Variants in SEL1L3 observed in about 807,000 individuals in gnomAD.
SEL1L3 encodes the protein SEL1L family member 3, also known as protein sel-1 homolog 3.
In SEL1L3, 76 loss-of-function variants were observed where a neutral mutation model predicts 142.8. The observed-to-expected ratio is 0.53, with a 90% CI of 0.44 to 0.64. The LOEUF (loss-of-function observed/expected upper bound fraction) is 0.64, where lower values mean the gene tolerates loss of function less well. SEL1L3 is among the 30% of genes least tolerant of loss of function. The pLI is 0.00. For missense variants in SEL1L3, 1,262 were observed against 1,381.7 expected, an observed-to-expected ratio of 0.91 and a Z score of 1.37; for synonymous variants, 504 against 519.6, an observed-to-expected ratio of 0.97 and a Z score of 0.41.
At chr4:25,770,564 AC>A (rs1334255837) in intron 17 of SEL1L3, 1 of 151,998 alleles carries the variant, frequency 6.6e-6, no homozygotes, top group Non-Finnish European at 1.5e-5. Context: ...ACATTGTGAA[AC>A]CCTGTCTCTG....
At position 25,795,322 on chromosome 4, in the gene SEL1L3, C is replaced by A. The variant is rs188468985; in HGVS notation, c.1957-4748G>T. Among the ~76,000 whole-genome samples, 3 of 152,218 alleles carry A rather than the reference C, an allele frequency of 2.0e-5. No individual in the cohort carries two copies. In the East Asian group the frequency reaches 5.8e-4, roughly 29 times the overall value. On this transcript the variant is annotated intron_variant, in intron 11 of 23. Transcript: ENST00000399878. ...TCATTTTTTAGGGCCTTAACTCATA[C>A]TAAAGTGTAAATGGCTAATTGCTGT...
Position 25,847,597 on chromosome 4 carries a change from G to T in SEL1L3, c.430C>A (p.Gln144Lys). Residue 144 changes from glutamine (Q) to lysine (K), a missense_variant, in exon 2 of 24, where the codon CAA becomes AAA. Around this residue, in one of 3 missense-constraint regions of SEL1L3, gnomAD observed 689 missense variants for 692.8 expected, o/e 0.99. Coordinates refer to ENST00000399878, the MANE Select transcript of SEL1L3 (RefSeq NM_015187.5). Reference protein sequence around the residue: ...NEKHLHTSRTQIVHVKFPSIM... With the variant: ...NEKHLHTSRTKIVHVKFPSIM... ...CTTGGAAATTTCACATGTACTATTT[G>T]TGTCCTGCTGGTGTGAAGATGTTTC... 6.2e-7 allele frequency: 1 copy of T among 1,613,946 alleles called. No homozygotes were observed. Among genetic ancestry groups the T allele is most frequent in the Non-Finnish European group, 8.5e-7 (1 of 1,179,876 alleles).
Position 25,757,696 on chromosome 4 carries a change from A to C in SEL1L3, c.3178T>G (p.Ser1060Ala). Residue 1060 changes from serine (S) to alanine (A), a missense_variant, in exon 22 of 24, where the codon TCA becomes GCA. Ser to Ala is a moderately conservative substitution (Grantham distance 99, BLOSUM62 1). Coordinates refer to ENST00000399878, the MANE Select transcript of SEL1L3 (RefSeq NM_015187.5). Reference protein sequence around the residue: ...LRLLWGAILHSALIYFLGTFL... With the variant: ...LRLLWGAILHAALIYFLGTFL... Reference sequence around the variant, plus strand: ...TGGGACATGAAACCTACCAGGGCTGAGTGCAGGATAGCACCCCAGAGAAGC... The same window carrying C: ...TGGGACATGAAACCTACCAGGGCTGCGTGCAGGATAGCACCCCAGAGAAGC... 6.3e-7 allele frequency: 1 copy of C among 1,590,796 alleles called. No individual in the cohort carries two copies. Among genetic ancestry groups the C allele is most frequent in the South Asian group, 1.1e-5 (1 of 86,980 alleles).
chr4:25,858,820 G>A (rs1174068880), intron 1 of SEL1L3, among the ~76,000 whole-genome samples: 3 of 152,092 alleles, frequency 2.0e-5, no homozygotes, highest in African/African-American at 4.8e-5. Context: ...TCCTGACCTC[G>A]TGATCCGCCT....
chr4:25,844,290 C>G (rs60972085), intron 2 of SEL1L3, among the ~76,000 whole-genome samples: 2,323 of 152,288 alleles, frequency 0.015, 51 homozygotes, highest in African/African-American at 0.051. Context: ...TGCTGCAGAC[C>G]CTCTTGTGAT....
At chr4:25,777,585 ACCAAT>A (rs1294243476) in intron 16 of SEL1L3, 1 of 325,916 alleles carries the variant, frequency 3.1e-6, no homozygotes, top group African/African-American at 2.2e-5. Flanking sequence ...TTGACCATAT[ACCAAT>A]CATAAAGCAC....
intron 17 of SEL1L3, among the ~76,000 whole-genome samples, chr4:25,771,773 C>T (rs554294965): frequency 3.3e-5 from 5 of 152,272 alleles, no homozygotes; most frequent in Admixed American, 6.5e-5. Flanking sequence ...ATAGATAAAA[C>T]ACATGTAGGG....
chr4:25,755,439 C>T (rs747245515), intron 23 of SEL1L3, among the ~76,000 whole-genome samples: 1 of 151,896 alleles, frequency 6.6e-6, no homozygotes, highest in African/African-American at 2.4e-5. Context: ...CAAGCTACTT[C>T]GCCTCTCTGC....
At chr4:25,785,149 G>C (rs545819928) in intron 13 of SEL1L3, among the ~76,000 whole-genome samples, 7 of 152,318 alleles carry the variant, frequency 4.6e-5, no homozygotes, top group African/African-American at 1.2e-4. Context: ...GACAACAGTT[G>C]ACAGGATCGC....
intron 5 of SEL1L3, 43 bp downstream of exon 5, chr4:25,832,952 G>A (rs779459509): frequency 1.8e-5 from 23 of 1,247,128 alleles, no homozygotes; most frequent in East Asian, 9.3e-5. Flanking sequence ...AACTTTAAGC[G>A]AAAATGCTCG....
intron 10 of SEL1L3, among the ~76,000 whole-genome samples, chr4:25,804,036 C>A (rs1231553102): frequency 6.6e-6 from 1 of 152,136 alleles, no homozygotes; most frequent in Non-Finnish European, 1.5e-5. Flanking sequence ...CTGACTAATG[C>A]ACTATGAAAA....
intron 11 of SEL1L3, among the ~76,000 whole-genome samples, chr4:25,801,869 C>T (rs1409397638): frequency 6.6e-6 from 1 of 152,164 alleles, no homozygotes; most frequent in East Asian, 1.9e-4. Context: ...GCTCATCACA[C>T]ATTGAAAGGA....
chr4:25,754,854 T>A (rs1385525976), intron 23 of SEL1L3, among the ~76,000 whole-genome samples: 1 of 152,224 alleles, frequency 6.6e-6, no homozygotes, highest in East Asian at 1.9e-4. Context: ...AGTTTCTTTT[T>A]ATTTCCCCTT....
At chr4:25,796,961 A>T (rs1266994554) in intron 11 of SEL1L3, among the ~76,000 whole-genome samples, 1 of 151,120 alleles carries the variant, frequency 6.6e-6, no homozygotes, top group African/African-American at 2.4e-5. Context: ...AGAAAGAGGG[A>T]GAGAGAAGAA....
At chr4:25,802,588 G>T in intron 10 of SEL1L3, 126 bp from the exon 11 acceptor site, 6 of 819,214 alleles carry the variant, frequency 7.3e-6, no homozygotes, top group African/African-American at 1.7e-5. Flanking sequence ...ATGTTAACTT[G>T]CCTTTTTTTT....
chr4:25,804,533 T>TA lies in SEL1L3; in HGVS notation c.1776+7dup. The TA allele has an allele frequency of 6.3e-7, 1 of 1,592,384 alleles. No individual in the cohort carries two copies. Among genetic ancestry groups the TA allele is most frequent in the South Asian group, 1.1e-5 (1 of 89,148 alleles). On this transcript the variant is annotated splice_region_variant and intron_variant, in intron 10 of 23. Transcript: ENST00000399878. ...GACTGATGTTAATGGAGCAATGAAA[T>TA]ACTCTACCTGCAGCTGATCCCGAGG...
intron 11 of SEL1L3, among the ~76,000 whole-genome samples, chr4:25,792,567 G>T (rs1712425204): frequency 6.6e-6 from 1 of 152,228 alleles, no homozygotes; most frequent in South Asian, 2.1e-4. Context: ...AGCCTGAGCT[G>T]CCCTGAGAAG....
chr4:25,743,942 A>G (rs1440641806), downstream of SEL1L3, among the ~76,000 whole-genome samples: 1 of 152,198 alleles, frequency 6.6e-6, no homozygotes, highest in Non-Finnish European at 1.5e-5. Context: ...TAGAATTTAA[A>G]GAGAGAAGAG....
the SEL1L3 span, chr4:25,721,015 G>T: frequency 6.6e-6 from 1 of 152,106 alleles, no homozygotes; most frequent in Non-Finnish European, 1.5e-5. Flanking sequence ...CATCAAAAAA[G>T]AATACTTCTG....
Sources: gnomAD v4.1 joint callset for allele counts (sites outside exome capture counted in the v4.1 genomes callset) on GRCh38, gnomAD v4.1.1 for gene constraint, gnomAD v4.1.1 regional missense constraint, MANE v1.5 for transcripts, NCBI Gene and HGNC (gene_info 2026-07-23, HGNC 2026-07-21) for gene names.